The following RHBDD1 variants were observed in gnomAD, a reference collection of about 807,000 sequenced individuals.
RHBDD1 encodes the protein rhomboid-related protein 4.
A neutral mutation model predicts 36.3 loss-of-function variants in RHBDD1; 38 were observed. That is an observed-to-expected ratio of 1.05 (90% CI 0.81 to 1.37). The LOEUF is 1.37. RHBDD1 is among the 40% of genes most tolerant of loss of function. The probability of loss-of-function intolerance (pLI) is 0.00; values close to 1 mark genes in which losing one functional copy is unlikely to be tolerated. For missense variants in RHBDD1, 393 were observed against 377.6 expected, an observed-to-expected ratio of 1.04 and a Z score of -0.34; for synonymous variants, 151 against 136.5, an observed-to-expected ratio of 1.11 and a Z score of -0.74.
intron 8 of RHBDD1, among the ~76,000 whole-genome samples, chr2:226,924,046 C>T (rs1438591407): frequency 1.3e-5 from 2 of 152,078 alleles, no homozygotes; most frequent in Non-Finnish European, 2.9e-5. Flanking sequence ...GTTCCCTTTA[C>T]TTTCCTCACT....
At chr2:226,914,394 T>C (rs1948749173) in intron 8 of RHBDD1, 43 bp downstream of exon 8, 2 of 1,569,548 alleles carry the variant, frequency 1.3e-6, no homozygotes, top group Middle Eastern at 1.7e-4. Flanking sequence ...GCATACCTCA[T>C]GTGGTAAGGT....
At chr2:226,884,630 A>G (rs895951906) in intron 5 of RHBDD1, among the ~76,000 whole-genome samples, 2 of 152,172 alleles carry the variant, frequency 1.3e-5, no homozygotes, top group Non-Finnish European at 2.9e-5. Context: ...TAAGACACAC[A>G]TCTTTTTATG....
intron 5 of RHBDD1, among the ~76,000 whole-genome samples, chr2:226,906,163 C>T (rs912152336): frequency 1.2e-4 from 18 of 152,212 alleles, no homozygotes; most frequent in Admixed American, 9.8e-4. Flanking sequence ...AGTTAAACCA[C>T]TGTCATGCCC....
rs146997734 is a variant in RHBDD1 at position 226,960,389 on chromosome 2, A to ACT, written c.857-35039_857-35038dup. 4.6e-5 allele frequency among the ~76,000 whole-genome samples: 7 copies of ACT among 152,224 alleles called. No homozygotes were observed. In the East Asian group the frequency reaches 1.4e-3, roughly 29 times the overall value. ...TTTGGCATCACTTCACATCCAGCTT[A>ACT]CTCTGTGCATAAGAGAATTTCACTC... On this transcript the variant is annotated intron_variant, in intron 8 of 8. Coordinates refer to ENST00000392062, the MANE Select transcript of RHBDD1 (RefSeq NM_001167608.3).
intron 8 of RHBDD1, among the ~76,000 whole-genome samples, chr2:226,975,227 G>T (rs1303350112): frequency 1.3e-5 from 2 of 152,036 alleles, no homozygotes; most frequent in African/African-American, 4.8e-5. Flanking sequence ...TAGAAAAGGT[G>T]GAATCGATGC....
intron 8 of RHBDD1, among the ~76,000 whole-genome samples, chr2:226,981,274 G>C (rs1010281702): frequency 6.6e-6 from 1 of 152,144 alleles, no homozygotes; most frequent in Non-Finnish European, 1.5e-5. Flanking sequence ...TAAATGCCGA[G>C]TTGATGGGTG....
chr2:226,861,312 G>C (rs1943831980), intron 3 of RHBDD1, among the ~76,000 whole-genome samples: 1 of 152,152 alleles, frequency 6.6e-6, no homozygotes, highest in African/African-American at 2.4e-5. Context: ...AGCCTCAGGA[G>C]AGCAAGGTGT....
At position 226,889,232 on chromosome 2, in the gene RHBDD1, G is replaced by A. The variant is rs149117658; in HGVS notation, c.567-17561G>A. Among the ~76,000 whole-genome samples, 576 of 152,304 alleles carry A rather than the reference G, an allele frequency of 3.8e-3. 3 individuals carry two copies. The highest frequency in any genetic ancestry group is 0.012 in the South Asian group (58 of 4,822). On this transcript the variant is annotated intron_variant, in intron 5 of 8. Coordinates refer to ENST00000392062, the MANE Select transcript of RHBDD1 (RefSeq NM_001167608.3). Reference sequence around the variant, plus strand: ...CAGTCTGAAGGGACTCATCAGAGCTGTTGTCACCCATTCGGCTAGAGGTGG... The same window carrying A: ...CAGTCTGAAGGGACTCATCAGAGCTATTGTCACCCATTCGGCTAGAGGTGG...
the RHBDD1 span, among the ~76,000 whole-genome samples, chr2:226,806,318 A>T: frequency 6.6e-6 from 1 of 152,116 alleles, no homozygotes; most frequent in Non-Finnish European, 1.5e-5. Flanking sequence ...GGAATTGTTC[A>T]AATCAAAGCT....
At chr2:226,914,122 A>T in intron 7 of RHBDD1, 86 bp from the exon 8 acceptor site, 2 of 1,172,396 alleles carry the variant, frequency 1.7e-6, no homozygotes, top group Non-Finnish European at 2.5e-6. Context: ...GTTATGCCTT[A>T]CTCGCTTGTC....
intron 8 of RHBDD1, among the ~76,000 whole-genome samples, chr2:226,939,039 C>G (rs1305644750): frequency 6.6e-6 from 1 of 152,164 alleles, no homozygotes; most frequent in East Asian, 1.9e-4. Flanking sequence ...ACTTGATTAT[C>G]TCAATAGATG....
intron 8 of RHBDD1, among the ~76,000 whole-genome samples, chr2:226,920,842 G>T (rs1017292292): frequency 3.3e-5 from 5 of 152,096 alleles, no homozygotes; most frequent in African/African-American, 1.2e-4. Flanking sequence ...ATCTTTGTCT[G>T]GTTTTGGTAT....
chr2:226,941,292 T>G (rs1950648793), intron 8 of RHBDD1, among the ~76,000 whole-genome samples: 1 of 152,172 alleles, frequency 6.6e-6, no homozygotes, highest in South Asian at 2.1e-4. Context: ...AGGGCTCCCA[T>G]GAGTCTCCCT....
rs944390908 is a variant in RHBDD1, at chr2:226,988,682, A to T, written c.857-6749A>T. 4 of 982,096 alleles carry T rather than the reference A, an allele frequency of 4.1e-6. No homozygotes were observed. The African/African-American group carries it at 7.0e-5, about 17-fold the overall frequency. The allele number at this position is 982,096 out of a possible 1,614,324, so 60.8% of individuals were successfully genotyped here. A position where few individuals can be genotyped will look rare whatever the true frequency, so the allele number is the denominator to read the frequency against. On this transcript the variant is annotated intron_variant, in intron 8 of 8. Transcript: ENST00000392062. ...GATTTTAATATTCCGAAGGGTTTTC[A>T]TACTTTTTCTATCATTTTACAGACC...
intron 7 of RHBDD1, 56 bp downstream of exon 7, chr2:226,908,934 C>T (rs1026092128): frequency 2.1e-5 from 24 of 1,117,234 alleles, no homozygotes; most frequent in Non-Finnish European, 3.1e-5. Flanking sequence ...TTATAGTGTT[C>T]AGCTCTACAG....
intron 7 of RHBDD1, 89 bp from the exon 8 acceptor site, chr2:226,914,119 C>T: frequency 8.7e-7 from 1 of 1,144,102 alleles, no homozygotes; most frequent in Non-Finnish European, 1.3e-6. Context: ...AATGTTATGC[C>T]TTACTCGCTT....
At chr2:226,875,405 A>G (rs1442383285) in intron 5 of RHBDD1, among the ~76,000 whole-genome samples, 1 of 152,230 alleles carries the variant, frequency 6.6e-6, no homozygotes, top group Non-Finnish European at 1.5e-5. Flanking sequence ...TTAAATCTTT[A>G]GTAAAAGAGA....
At chr2:226,831,398 C>A (rs1160988426), upstream of RHBDD1, among the ~76,000 whole-genome samples, 1 of 152,158 alleles carries the variant, frequency 6.6e-6, no homozygotes, top group Non-Finnish European at 1.5e-5. Flanking sequence ...AGGGTCATTG[C>A]AGATGTAATT....
At chr2:226,851,244 C>T (rs1227920685) in intron 3 of RHBDD1, among the ~76,000 whole-genome samples, 3 of 152,016 alleles carry the variant, frequency 2.0e-5, no homozygotes, top group Admixed American at 2.0e-4. Flanking sequence ...TTCCATGTCT[C>T]TTTCTCCATC....
Sources: gnomAD v4.1 joint callset for allele counts (sites outside exome capture counted in the v4.1 genomes callset) on GRCh38, gnomAD v4.1.1 for gene constraint, MANE v1.5 for transcripts, NCBI Gene and HGNC (gene_info 2026-07-23, HGNC 2026-07-21) for gene names.